Variants in AKAP9 observed in about 807,000 individuals in gnomAD.
AKAP9 encodes the protein A-kinase anchoring protein 9.
A neutral mutation model predicts 488.5 loss-of-function variants in AKAP9; 311 were observed. The observed-to-expected ratio is 0.64, with a 90% CI of 0.58 to 0.70. The LOEUF is 0.70. Among genes scored for constraint, AKAP9 ranks in the 30% least tolerant of loss-of-function variants. AKAP9 has a pLI of 0.00. For missense variants in AKAP9, 4,215 were observed against 4,374.5 expected, an observed-to-expected ratio of 0.96 and a Z score of 1.03; for synonymous variants, 1,462 against 1,483.5, an observed-to-expected ratio of 0.99 and a Z score of 0.33.
At chr7:92,091,195 A>G (rs1221089922) in intron 38 of AKAP9, among the ~76,000 whole-genome samples, 2 of 152,212 alleles carry the variant, frequency 1.3e-5, no homozygotes, top group African/African-American at 4.8e-5. Flanking sequence ...CTGAGGACAC[A>G]TACCTGTGTG....
chr7:92,097,277 A>G lies in AKAP9; in HGVS notation c.10318A>G (p.Met3440Val), dbSNP rs535472612. Residue 3440 changes from methionine (M) to valine (V), a missense_variant, in exon 41 of 50, where the codon ATG becomes GTG. Transcript: ENST00000356239. ...TGAAGGACAGCGACTACAAGGAATC[A>G]TGCAGGAATTCCAGAAGCAAGAACT... ...DLEGQRLQGI[M>V]QEFQKQELER... The G allele has an allele frequency of 1.9e-6, 3 of 1,614,016 alleles. No homozygotes were observed. The highest frequency in any genetic ancestry group is 1.6e-4 in the Middle Eastern group (1 of 6,062).
At position 92,003,081 on chromosome 7, in the gene AKAP9, C is replaced by A. The variant is rs373730126; in HGVS notation, c.3164C>A (p.Ser1055Tyr). 2.2e-5 allele frequency: 36 copies of A among 1,612,582 alleles called. No individual in the cohort carries two copies. The African/African-American group carries it at 4.1e-4, about 19-fold the overall frequency. ...AAAATAATGGTGGAAGATAAAGTTT[C>A]TTTTGAAAATATGACTGTTGGAGAA... Reference protein sequence around the residue: ...ESKIMVEDKVSFENMTVGEES... With the variant: ...ESKIMVEDKVYFENMTVGEES... The change falls in exon 8 of 50, where the codon TCT (serine) becomes TAT (tyrosine). Residue 1055 changes from serine to tyrosine, a missense_variant. This residue lies in a region of AKAP9 where 2,361 missense variants were observed against 2,430.0 expected (regional missense o/e 0.97). Transcript: ENST00000356239.
At chr7:92,018,532 G>T (rs1801872740) in intron 12 of AKAP9, among the ~76,000 whole-genome samples, 1 of 151,914 alleles carries the variant, frequency 6.6e-6, no homozygotes, top group Non-Finnish European at 1.5e-5. Flanking sequence ...CCCCAAAAGA[G>T]CACTTTTATA....
intron 22 of AKAP9, among the ~76,000 whole-genome samples, chr7:92,059,713 C>CAT (rs3041246): frequency 0.41 from 62,437 of 151,126 alleles, 13,305 homozygotes; most frequent in African/African-American, 0.51. Flanking sequence ...AAATGACAAA[C>CAT]GTGTAAAAAC....
At chr7:92,054,146 A>G (rs940832564) in intron 22 of AKAP9, among the ~76,000 whole-genome samples, 2 of 152,152 alleles carry the variant, frequency 1.3e-5, no homozygotes, top group African/African-American at 4.8e-5. Flanking sequence ...TTAATCTTCC[A>G]TGGATAGATG....
intron 33 of AKAP9, 95 bp from the exon 34 acceptor site, chr7:92,084,545 G>A (rs1682761840): frequency 5.8e-6 from 5 of 860,428 alleles, no homozygotes; most frequent in Non-Finnish European, 9.2e-6. Flanking sequence ...TGACAGATTT[G>A]ATTGATTACA....
At chr7:92,104,085 A>G (rs1563155468) in intron 46 of AKAP9, among the ~76,000 whole-genome samples, 1 of 152,132 alleles carries the variant, frequency 6.6e-6, no homozygotes, top group African/African-American at 2.4e-5. Context: ...AGGCTTCTCC[A>G]TGCATCCCCC....
rs771486558 is a variant in AKAP9, at chr7:92,108,565, A to G, written c.11618A>G (p.Asp3873Gly). ...TCTCAGCTTCAGAATTACGATCCTG[A>G]CAGAGCCCTAACAGATTATATCACT... ...ACSQLQNYDP[D>G]RALTDYITRL... Residue 3873 changes from aspartate (D) to glycine (G), a missense_variant, in exon 49 of 50, where the codon GAC becomes GGC. By Grantham distance (94) the Asp-to-Gly change is moderately conservative. Coordinates refer to ENST00000356239, the MANE Select transcript of AKAP9 (RefSeq NM_005751.5). The G allele has an allele frequency of 6.2e-7, 1 of 1,614,066 alleles. No homozygotes were observed. The highest frequency in any genetic ancestry group is 1.3e-5 in the African/African-American group (1 of 74,920).
chr7:91,950,322 C>T (rs532563680), intron 1 of AKAP9, among the ~76,000 whole-genome samples: 6 of 151,480 alleles, frequency 4.0e-5, no homozygotes, highest in African/African-American at 7.3e-5. Context: ...CTCTGCCTCC[C>T]GGGTTCACGC....
intron 14 of AKAP9, among the ~76,000 whole-genome samples, chr7:92,026,204 T>C (rs549146223): frequency 6.6e-6 from 1 of 152,306 alleles, no homozygotes; most frequent in African/African-American, 2.4e-5. Context: ...AGTAGGAGCT[T>C]AATTGCAAGA....
At chr7:92,070,392 G>T (rs527670558) in intron 27 of AKAP9, among the ~76,000 whole-genome samples, 186 bp downstream of exon 27, 27 of 136,456 alleles carry the variant, frequency 2.0e-4, no homozygotes, top group East Asian at 6.4e-4. Context: ...AGAGTTTTTT[G>T]TTGTTGTTGT....
rs150579291 is a variant in AKAP9 at position 92,093,184 on chromosome 7, A to G, written c.9446A>G (p.Glu3149Gly). 9 of 1,614,198 alleles carry G rather than the reference A, an allele frequency of 5.6e-6. No homozygotes were observed. In the African/African-American group the frequency reaches 1.2e-4, roughly 22 times the overall value. ...AGCAGTATGAAAGACAGAGCAACGGAACTGCAGGAGCAGCTGAGTTCTGAG... is the reference window on the plus strand; with the variant it reads ...AGCAGTATGAAAGACAGAGCAACGGGACTGCAGGAGCAGCTGAGTTCTGAG... ...ELSSMKDRAT[E>G]LQEQLSSEKM... Residue 3149 changes from glutamate to glycine, a missense_variant, in exon 39 of 50, where the codon GAA (glutamate) becomes GGA (glycine). By Grantham distance (98) the Glu-to-Gly change is moderately conservative. Coordinates refer to ENST00000356239, the MANE Select transcript of AKAP9 (RefSeq NM_005751.5).
intron 21 of AKAP9, among the ~76,000 whole-genome samples, chr7:92,047,224 CT>C (rs529204549): frequency 6.0e-5 from 9 of 148,776 alleles, no homozygotes; most frequent in South Asian, 2.2e-4. Flanking sequence ...GTTTTCTTTC[CT>C]TTTTTTTTTC....
intron 8 of AKAP9, among the ~76,000 whole-genome samples, chr7:92,003,772 GAA>G (rs1562964612): frequency 6.6e-6 from 1 of 151,780 alleles, no homozygotes; most frequent in Non-Finnish European, 1.5e-5. Context: ...ACCTGAAGGG[GAA>G]AAAACAGTAT....
intron 37 of AKAP9, among the ~76,000 whole-genome samples, chr7:92,087,967 A>T (rs952661430): frequency 6.6e-6 from 1 of 151,948 alleles, no homozygotes; most frequent in African/African-American, 2.4e-5. Flanking sequence ...TTAGGAAATC[A>T]CCCTTTATTA....
intron 8 of AKAP9, among the ~76,000 whole-genome samples, chr7:92,008,324 G>A (rs1193571886): frequency 6.6e-6 from 1 of 151,052 alleles, no homozygotes; most frequent in Admixed American, 6.6e-5. Flanking sequence ...CCGAGATCGC[G>A]CCACTGCACT....
chr7:92,102,698 T>A lies in AKAP9; in HGVS notation c.11202T>A (p.Asp3734Glu), dbSNP rs752211139. The A allele has an allele frequency of 6.2e-7, 1 of 1,614,240 alleles. No individual in the cohort carries two copies. Among genetic ancestry groups the A allele is most frequent in the Non-Finnish European group, 8.5e-7 (1 of 1,180,046 alleles). ...LLLGGFQECE[D>E]ATLALLARMG... ...TGGGTGGGTTCCAGGAATGTGAAGATGCCACCTTGGCCCTGCTTGCCCGGA... is the reference window on the plus strand; with the variant it reads ...TGGGTGGGTTCCAGGAATGTGAAGAAGCCACCTTGGCCCTGCTTGCCCGGA... The change falls in exon 46 of 50, where the codon GAT (aspartate) becomes GAA (glutamate). Residue 3734 changes from aspartate to glutamate, a missense_variant. By Grantham distance (45) the Asp-to-Glu change is conservative (BLOSUM62 2). Coordinates refer to ENST00000356239, the MANE Select transcript of AKAP9 (RefSeq NM_005751.5).
At chr7:91,962,936 A>T (rs962598233) in intron 1 of AKAP9, among the ~76,000 whole-genome samples, 3 of 152,208 alleles carry the variant, frequency 2.0e-5, no homozygotes, top group Admixed American at 6.5e-5. Context: ...TACAGTTGGA[A>T]TCTCAAACCA....
At chr7:91,983,097 CA>C (rs780998178) in intron 3 of AKAP9, among the ~76,000 whole-genome samples, 38 of 151,772 alleles carry the variant, frequency 2.5e-4, no homozygotes, top group Admixed American at 4.6e-4. Flanking sequence ...TACATGTGCA[CA>C]ACATGCAGGT....
Sources: allele counts gnomAD v4.1 joint callset (sites outside exome capture counted in the v4.1 genomes callset), GRCh38; gene constraint gnomAD v4.1.1; regional missense constraint gnomAD v4.1.1; transcripts MANE v1.5; gene names NCBI Gene and HGNC (gene_info 2026-07-23, HGNC 2026-07-21).